BMERB1: variants seen among roughly 807,000 people sequenced by gnomAD.
BMERB1 encodes the protein bMERB domain containing 1.
Under a neutral mutation model 23.6 loss-of-function variants are expected in BMERB1, and 12 were observed. That is an observed-to-expected ratio of 0.51 (90% CI 0.33 to 0.82). The LOEUF is 0.82. Among genes scored for constraint, BMERB1 ranks in the 40% least tolerant of loss-of-function variants. The pLI, the probability that BMERB1 is intolerant of heterozygous loss-of-function variation, is 0.03. For missense variants in BMERB1, 247 were observed against 255.4 expected, an observed-to-expected ratio of 0.97 and a Z score of 0.22; for synonymous variants, 122 against 96.6, an observed-to-expected ratio of 1.26 and a Z score of -1.54.
At chr16:15,520,780 C>A (rs2150955518) in intron 2 of BMERB1, among the ~76,000 whole-genome samples, 1 of 152,310 alleles carries the variant, frequency 6.6e-6, no homozygotes, top group East Asian at 1.9e-4. Context: ...AGCCACTGCA[C>A]CCGGCCCATA....
At chr16:15,517,311 C>A (rs1352417616) in intron 2 of BMERB1, among the ~76,000 whole-genome samples, 2 of 152,124 alleles carry the variant, frequency 1.3e-5, no homozygotes, top group South Asian at 2.1e-4. Flanking sequence ...GAGTTTGAGA[C>A]CAGCCTGGCC....
intron 2 of BMERB1, among the ~76,000 whole-genome samples, chr16:15,551,722 A>G (rs116882382): frequency 0.01 from 1,573 of 152,292 alleles, 19 homozygotes; most frequent in Non-Finnish European, 0.013. Flanking sequence ...AAAGGAAAGA[A>G]GTTTAATTGA....
chr16:15,460,655 A>ACT (rs2051126572), intron 1 of BMERB1, among the ~76,000 whole-genome samples: 1 of 152,172 alleles, frequency 6.6e-6, no homozygotes, highest in African/African-American at 2.4e-5. Context: ...TAGGTAGTGA[A>ACT]CTTCACAGCT....
intron 1 of BMERB1, among the ~76,000 whole-genome samples, chr16:15,479,999 CAT>C (rs201686556): frequency 1.4e-5 from 2 of 145,200 alleles, no homozygotes; most frequent in Admixed American, 1.4e-4. Flanking sequence ...ATATAGTTTT[CAT>C]ATATATATAT....
At chr16:15,441,721 G>T (rs1329320103) in intron 1 of BMERB1, among the ~76,000 whole-genome samples, 1 of 151,968 alleles carries the variant, frequency 6.6e-6, no homozygotes, top group African/African-American at 2.4e-5. Flanking sequence ...GGGTTTTGCT[G>T]TGTTTCCAGG....
In BMERB1 at chr16:15,505,805, G is replaced by A. The variant is rs551916827; in HGVS notation, c.107-9500G>A. ...TGGGAGGCTGAGGCAGGAGAATGGC[G>A]TGAATTCAGGAGGCAGAGCTTGCAG... On this transcript the variant is annotated intron_variant, in intron 1 of 5. Coordinates refer to ENST00000300006, the MANE Select transcript of BMERB1 (RefSeq NM_033201.3). Among the ~76,000 whole-genome samples the A allele has an allele frequency of 6.6e-5, 10 of 151,304 alleles. 1 individual carries two copies. In the South Asian group the frequency reaches 1.0e-3, roughly 16 times the overall value.
At chr16:15,440,013 G>A (rs1423684161) in intron 1 of BMERB1, among the ~76,000 whole-genome samples, 9 of 152,118 alleles carry the variant, frequency 5.9e-5, no homozygotes, top group Non-Finnish European at 7.4e-5. Context: ...GGGAGGCTGA[G>A]GTGGGCGGAT....
chr16:15,519,570 T>C (rs956858506), intron 2 of BMERB1, among the ~76,000 whole-genome samples: 3 of 152,046 alleles, frequency 2.0e-5, no homozygotes, highest in Non-Finnish European at 4.4e-5. Context: ...TTTGTATTTT[T>C]AGTAGAGACA....
intron 2 of BMERB1, among the ~76,000 whole-genome samples, chr16:15,557,460 G>A (rs1215384248): frequency 1.3e-5 from 2 of 152,258 alleles, no homozygotes; most frequent in East Asian, 3.9e-4. Flanking sequence ...ATGATTTAAT[G>A]GCATTGGAAA....
At chr16:15,440,480 C>T (rs1469328135) in intron 1 of BMERB1, among the ~76,000 whole-genome samples, 1 of 152,042 alleles carries the variant, frequency 6.6e-6, no homozygotes, top group African/African-American at 2.4e-5. Context: ...ATGCAAATTG[C>T]TGGCAATCTA....
At chr16:15,488,922 A>AT (rs1567465993) in intron 1 of BMERB1, among the ~76,000 whole-genome samples, 2 of 150,558 alleles carry the variant, frequency 1.3e-5, no homozygotes, top group Non-Finnish European at 3.0e-5. Context: ...AAAAAAAAAA[A>AT]AGGAATGTAC....
At chr16:15,491,732 T>C (rs937975306) in intron 1 of BMERB1, among the ~76,000 whole-genome samples, 3 of 152,166 alleles carry the variant, frequency 2.0e-5, no homozygotes, top group Non-Finnish European at 2.9e-5. Flanking sequence ...TCTGAAGCAT[T>C]CTTCCCCCTC....
At chr16:15,495,528 G>A (rs1255532558) in intron 1 of BMERB1, among the ~76,000 whole-genome samples, 2 of 152,140 alleles carry the variant, frequency 1.3e-5, no homozygotes, top group Non-Finnish European at 2.9e-5. Context: ...ACCACGCCTG[G>A]CTAATTTTTT....
chr16:15,565,774 CA>C (rs1221641623), intron 2 of BMERB1, among the ~76,000 whole-genome samples: 1 of 152,174 alleles, frequency 6.6e-6, no homozygotes, highest in Non-Finnish European at 1.5e-5. Flanking sequence ...GTGGGAAGAT[CA>C]CTTGAGCCCA....
chr16:15,501,327 C>T (rs1405602405), intron 1 of BMERB1, among the ~76,000 whole-genome samples: 1 of 114,388 alleles, frequency 8.7e-6, no homozygotes, highest in Non-Finnish European at 1.6e-5. Flanking sequence ...GGAGTCCGTT[C>T]TGTCACCCAG....
intron 1 of BMERB1, among the ~76,000 whole-genome samples, chr16:15,443,840 A>G (rs923237413): frequency 2.6e-5 from 4 of 151,944 alleles, no homozygotes; most frequent in Non-Finnish European, 5.9e-5. Flanking sequence ...AATCGCTTGC[A>G]CCCTGGAGGT....
chr16:15,444,070 GC>G (rs1030101584), intron 1 of BMERB1, among the ~76,000 whole-genome samples: 16 of 145,450 alleles, frequency 1.1e-4, no homozygotes, highest in Non-Finnish European at 1.9e-4. Flanking sequence ...TAAGCTGTCT[GC>G]CCCAGGCACA....
rs1480477385 is a variant in BMERB1 at position 15,520,786 on chromosome 16, C to A, written c.230+5358C>A. Among the ~76,000 whole-genome samples the A allele has an allele frequency of 4.6e-5, 7 of 152,258 alleles. 1 individual carries two copies. In the South Asian group the frequency reaches 1.5e-3, roughly 32 times the overall value. ...ACAGGCATGAGCCACTGCACCCGGC[C>A]CATAGATACTCTTTTGGATAAATAC... On this transcript the variant is annotated intron_variant, in intron 2 of 5. Coordinates refer to ENST00000300006, the MANE Select transcript of BMERB1 (RefSeq NM_033201.3).
intron 2 of BMERB1, among the ~76,000 whole-genome samples, chr16:15,547,805 C>G (rs544209590): frequency 6.6e-6 from 1 of 152,274 alleles, no homozygotes; most frequent in African/African-American, 2.4e-5. Context: ...GTCAGTGTCC[C>G]AGCTCCACCA....
Sources: allele counts gnomAD v4.1 joint callset (sites outside exome capture counted in the v4.1 genomes callset), GRCh38; gene constraint gnomAD v4.1.1; transcripts MANE v1.5; gene names NCBI Gene and HGNC (gene_info 2026-07-23, HGNC 2026-07-21).